The following ARHGAP42 variants were observed in gnomAD, a reference collection of about 807,000 sequenced individuals.
The protein encoded by ARHGAP42 is rho GTPase-activating protein 42.
Under a neutral mutation model 125.0 loss-of-function variants are expected in ARHGAP42, and 63 were observed. The ratio of observed to expected loss-of-function variants is 0.50; its 90% CI spans 0.41 to 0.62. ARHGAP42 has a LOEUF of 0.62. Ranked by LOEUF, ARHGAP42 falls within the 20% of genes least tolerant of loss-of-function variation. The pLI, the probability that ARHGAP42 is intolerant of heterozygous loss-of-function variation, is 0.00. For missense variants in ARHGAP42, 766 were observed against 1,024.2 expected (o/e 0.75, Z 3.44); for synonymous variants, 339 against 351.0 (o/e 0.97, Z 0.38).
At chr11:100,789,207 G>A (rs961742220) in intron 2 of ARHGAP42, among the ~76,000 whole-genome samples, 1 of 152,126 alleles carries the variant, frequency 6.6e-6, no homozygotes, top group African/African-American at 2.4e-5. Context: ...GTTATTGTTG[G>A]GGCATCATCT....
At chr11:100,698,222 A>G (rs1396250714) in intron 1 of ARHGAP42, among the ~76,000 whole-genome samples, 1 of 152,134 alleles carries the variant, frequency 6.6e-6, no homozygotes, top group African/African-American at 2.4e-5. Context: ...TTGTAATCCC[A>G]TCACTTTGGG....
At chr11:100,912,926 A>G (rs1866964772) in intron 4 of ARHGAP42, among the ~76,000 whole-genome samples, 1 of 152,210 alleles carries the variant, frequency 6.6e-6, no homozygotes, top group African/African-American at 2.4e-5. Context: ...CCTCCATGTC[A>G]AGAATGAGTT....
At chr11:100,913,128 G>T (rs1866969779) in intron 4 of ARHGAP42, among the ~76,000 whole-genome samples, 1 of 152,098 alleles carries the variant, frequency 6.6e-6, no homozygotes, top group African/African-American at 2.4e-5. Flanking sequence ...CAATTATAGA[G>T]CTCTTGGTGG....
chr11:100,793,221 C>T (rs1863614476), intron 2 of ARHGAP42, among the ~76,000 whole-genome samples: 1 of 152,070 alleles, frequency 6.6e-6, no homozygotes, highest in Admixed American at 6.6e-5. Flanking sequence ...GCAGTAGATA[C>T]CTACCAGAAT....
At chr11:100,734,428 C>T (rs528562362) in intron 1 of ARHGAP42, among the ~76,000 whole-genome samples, 10 of 152,058 alleles carry the variant, frequency 6.6e-5, no homozygotes, top group Admixed American at 1.3e-4. Flanking sequence ...TACAGGCATG[C>T]GCCACCATGC....
At chr11:100,963,209 C>T (rs372415207) in intron 16 of ARHGAP42, among the ~76,000 whole-genome samples, 6 of 152,186 alleles carry the variant, frequency 3.9e-5, no homozygotes, top group African/African-American at 1.4e-4. Flanking sequence ...CATCAATCCC[C>T]TCTCCCTCAT....
At chr11:100,874,962 G>A (rs1380436856) in intron 4 of ARHGAP42, among the ~76,000 whole-genome samples, 1 of 151,972 alleles carries the variant, frequency 6.6e-6, no homozygotes. Context: ...CTCAGGATGA[G>A]TTTTCTACCC....
chr11:100,712,402 C>T (rs1565537757), intron 1 of ARHGAP42, among the ~76,000 whole-genome samples: 1 of 152,048 alleles, frequency 6.6e-6, no homozygotes, highest in East Asian at 1.9e-4. Context: ...AGAATTGTTA[C>T]ATGCTACTGT....
chr11:100,794,238 A>G (rs1863652005), intron 2 of ARHGAP42, among the ~76,000 whole-genome samples: 1 of 152,044 alleles, frequency 6.6e-6, no homozygotes, highest in African/African-American at 2.4e-5. Flanking sequence ...CATAATTGCC[A>G]TTTGGACCTA....
chr11:100,808,842 CA>C (rs1455312385), intron 3 of ARHGAP42, among the ~76,000 whole-genome samples: 2 of 152,092 alleles, frequency 1.3e-5, no homozygotes, highest in African/African-American at 2.4e-5. Context: ...TTAAAAATAA[CA>C]AATTATTCAT....
At chr11:100,878,093 AAT>A (rs572400765) in intron 4 of ARHGAP42, among the ~76,000 whole-genome samples, 43 of 151,824 alleles carry the variant, frequency 2.8e-4, no homozygotes, top group South Asian at 8.3e-4. Flanking sequence ...CTGGCACAAA[AAT>A]GGTAATAAAT....
intron 9 of ARHGAP42, 38 bp from the exon 10 acceptor site, chr11:100,943,721 G>T: frequency 1.5e-6 from 2 of 1,349,118 alleles, no homozygotes; most frequent in Non-Finnish European, 2.1e-6. Context: ...CAATTCACTT[G>T]TCAGCATGTT....
At chr11:100,779,726 C>A (rs906595792) in intron 2 of ARHGAP42, among the ~76,000 whole-genome samples, 1 of 151,160 alleles carries the variant, frequency 6.6e-6, no homozygotes, top group Non-Finnish European at 1.5e-5. Context: ...ACTTTAGAAT[C>A]ATTTAGAACA....
intron 1 of ARHGAP42, among the ~76,000 whole-genome samples, chr11:100,713,399 A>C (rs1861597179): frequency 6.6e-6 from 1 of 152,216 alleles, no homozygotes; most frequent in South Asian, 2.1e-4. Context: ...CATTGATTAG[A>C]CCAACCTGGG....
intron 3 of ARHGAP42, among the ~76,000 whole-genome samples, chr11:100,811,093 T>C (rs1864129612): frequency 6.6e-6 from 1 of 152,248 alleles, no homozygotes; most frequent in East Asian, 1.9e-4. Flanking sequence ...GTAGCTGGCA[T>C]TACAGGCATG....
At chr11:100,839,611 C>G (rs1864895258) in intron 3 of ARHGAP42, 1 of 152,140 alleles carries the variant, frequency 6.6e-6, no homozygotes, top group Non-Finnish European at 1.5e-5. Flanking sequence ...AGTTTTATGT[C>G]AAATAATTGG....
rs570696442 is a variant in ARHGAP42 at position 100,990,815 on chromosome 11, G to T, written c.*2014G>T. On this transcript the variant is annotated 3_prime_UTR_variant, in exon 24 of 24. Coordinates refer to ENST00000298815, the MANE Select transcript of ARHGAP42 (RefSeq NM_152432.4). ...CCTGCTAGACTAGAATCTCTTAAAA[G>T]CAAATTGGTTTTCTTTCAAAGACCA... 6.6e-6 allele frequency: 1 copy of T among 152,594 alleles called. No homozygotes were observed. Among genetic ancestry groups the T allele is most frequent in the Admixed American group, 6.5e-5 (1 of 15,280 alleles). The allele number at this position is 152,594 out of a possible 1,614,324, so 9.5% of individuals were successfully genotyped here. A position where few individuals can be genotyped will look rare whatever the true frequency, so the allele number is the denominator to read the frequency against.
rs1353109870 is a variant in ARHGAP42 at position 100,936,192 on chromosome 11, G to A, written c.703-11G>A. On this transcript the variant is annotated splice_polypyrimidine_tract_variant and intron_variant, in intron 7 of 23. Transcript: ENST00000298815. ...AATAATGACTGAAATTATTGTTTCT[G>A]TTTACTTAAGACAAGGAATAATTTT... The A allele has an allele frequency of 2.7e-5, 42 of 1,550,966 alleles. No individual in the cohort carries two copies. The highest frequency in any genetic ancestry group is 3.5e-5 in the Non-Finnish European group (40 of 1,146,762).
intron 5 of ARHGAP42, among the ~76,000 whole-genome samples, chr11:100,918,779 T>C (rs77718345): frequency 0.046 from 7,007 of 152,272 alleles, 315 homozygotes; most frequent in East Asian, 0.25. Flanking sequence ...GTAGTCCGCA[T>C]TGGAGGCTAT....
Sources: gnomAD v4.1 joint callset for allele counts (sites outside exome capture counted in the v4.1 genomes callset) on GRCh38, gnomAD v4.1.1 for gene constraint, MANE v1.5 for transcripts, NCBI Gene and HGNC (gene_info 2026-07-23, HGNC 2026-07-21) for gene names.